PPP2R2B: variants seen among roughly 807,000 people sequenced by gnomAD.
PPP2R2B encodes the protein protein phosphatase 2 regulatory subunit Bbeta, also known as serine/threonine-protein phosphatase 2A 55 kDa regulatory subunit B beta isoform.
In PPP2R2B, 5 loss-of-function variants were observed where a neutral mutation model predicts 46.0. The observed-to-expected ratio is 0.11, with a 90% CI of 0.06 to 0.23. The LOEUF (loss-of-function observed/expected upper bound fraction) is 0.23, where lower values mean the gene tolerates loss of function less well. Among genes scored for constraint, PPP2R2B ranks in the 10% least tolerant of loss-of-function variants. PPP2R2B has a pLI of 1.00. For missense variants in PPP2R2B, 367 were observed against 575.0 expected, an observed-to-expected ratio of 0.64 and a Z score of 3.70; for synonymous variants, 215 against 206.7, an observed-to-expected ratio of 1.04 and a Z score of -0.34.
intron 1 of PPP2R2B, among the ~76,000 whole-genome samples, chr5:146,965,830 A>G (rs974837204): frequency 6.6e-6 from 1 of 152,210 alleles, no homozygotes; most frequent in Non-Finnish European, 1.5e-5. Flanking sequence ...GACATCCGAT[A>G]CCAGGTTTGA....
At chr5:147,024,579 A>G (rs116824713) in intron 1 of PPP2R2B, among the ~76,000 whole-genome samples, 2,744 of 152,278 alleles carry the variant, frequency 0.018, 89 homozygotes, top group African/African-American at 0.062. Context: ...CTACAAAGTG[A>G]GGCTCAGAGA....
intron 5 of PPP2R2B, among the ~76,000 whole-genome samples, chr5:146,689,106 T>C (rs1778678255): frequency 6.6e-6 from 1 of 152,172 alleles, no homozygotes; most frequent in Non-Finnish European, 1.5e-5. Context: ...GGGGTAATAA[T>C]AGCCATGATG....
At chr5:146,866,018 C>G (rs1378498603) in intron 2 of PPP2R2B, among the ~76,000 whole-genome samples, 1 of 152,176 alleles carries the variant, frequency 6.6e-6, no homozygotes, top group African/African-American at 2.4e-5. Context: ...AAATGATGGT[C>G]TACAGGCTAC....
chr5:146,732,078 C>A (rs1561864661), intron 2 of PPP2R2B, among the ~76,000 whole-genome samples: 2 of 152,116 alleles, frequency 1.3e-5, no homozygotes, highest in South Asian at 2.1e-4. Context: ...TGACTCAGGC[C>A]TCCTGGAAAA....
At chr5:146,802,203 CAG>C (rs1308076545) in intron 2 of PPP2R2B, among the ~76,000 whole-genome samples, 3 of 152,284 alleles carry the variant, frequency 2.0e-5, no homozygotes, top group African/African-American at 7.2e-5. Flanking sequence ...TTCTCGCATC[CAG>C]AGTCTTATTT....
chr5:146,898,218 A>G (rs1295915203), intron 1 of PPP2R2B, among the ~76,000 whole-genome samples: 1 of 152,126 alleles, frequency 6.6e-6, no homozygotes, highest in East Asian at 1.9e-4. Context: ...AGTAAAGATC[A>G]GATAGTTGTA....
intron 1 of PPP2R2B, among the ~76,000 whole-genome samples, chr5:146,940,538 C>A (rs1475254305): frequency 4.6e-5 from 7 of 151,674 alleles, no homozygotes; most frequent in Non-Finnish European, 1.5e-5. Flanking sequence ...AAGGCTACTG[C>A]CCAAGGAGAA....
intron 1 of PPP2R2B, among the ~76,000 whole-genome samples, chr5:147,043,963 CT>C (rs1756431667): frequency 6.6e-6 from 1 of 151,854 alleles, no homozygotes; most frequent in East Asian, 2.0e-4. Flanking sequence ...GGGCAACTTA[CT>C]TATCTTTCTG....
At chr5:146,691,288 T>C (rs1416410173) in intron 4 of PPP2R2B, 48 bp from the exon 5 acceptor site, 4 of 1,542,750 alleles carry the variant, frequency 2.6e-6, no homozygotes, top group African/African-American at 2.7e-5. Context: ...AAAAGCAAGC[T>C]CATAAGGGAG....
At chr5:146,973,614 G>T (rs1752762746) in intron 1 of PPP2R2B, among the ~76,000 whole-genome samples, 1 of 152,114 alleles carries the variant, frequency 6.6e-6, no homozygotes, top group African/African-American at 2.4e-5. Flanking sequence ...AATTCCTCAC[G>T]TATAACTCAA....
chr5:146,980,121 A>G (rs1303801168), intron 1 of PPP2R2B, among the ~76,000 whole-genome samples: 2 of 152,174 alleles, frequency 1.3e-5, no homozygotes, highest in Non-Finnish European at 2.9e-5. Context: ...CCAATGATAT[A>G]TTTTTATGAA....
At chr5:146,991,214 T>G (rs1753684783) in intron 1 of PPP2R2B, among the ~76,000 whole-genome samples, 2 of 152,166 alleles carry the variant, frequency 1.3e-5, no homozygotes, top group African/African-American at 4.8e-5. Context: ...AGGAATGCTA[T>G]TACTGGGTAC....
At chr5:147,057,374 A>G (rs970091468), upstream of PPP2R2B, among the ~76,000 whole-genome samples, 5 of 152,188 alleles carry the variant, frequency 3.3e-5, no homozygotes, top group Non-Finnish European at 7.3e-5. Context: ...GTAATTTCAA[A>G]CTAGTGACAG....
chr5:146,885,672 G>A (rs1762297352), intron 1 of PPP2R2B, among the ~76,000 whole-genome samples: 1 of 152,130 alleles, frequency 6.6e-6, no homozygotes, highest in African/African-American at 2.4e-5. Context: ...GAACACAAAT[G>A]TTCATGTAGT....
chr5:146,812,799 A>G (rs1175392788), intron 2 of PPP2R2B, among the ~76,000 whole-genome samples: 1,711 of 49,514 alleles, frequency 0.035, 323 homozygotes, highest in African/African-American at 0.048. Flanking sequence ...GTGTGTATAT[A>G]TATATATATA....
intron 1 of PPP2R2B, among the ~76,000 whole-genome samples, chr5:146,907,042 G>C (rs1325057128): frequency 6.6e-6 from 1 of 152,152 alleles, no homozygotes; most frequent in African/African-American, 2.4e-5. Context: ...AAGGCAAGAG[G>C]CTCCTTGGCT....
chr5:147,074,076 A>G (rs1009515316), intron 2 of PPP2R2B, among the ~76,000 whole-genome samples: 3 of 152,082 alleles, frequency 2.0e-5, no homozygotes, highest in Non-Finnish European at 4.4e-5. Flanking sequence ...CTTGTGAAAT[A>G]CACAGGTCCT....
intron 2 of PPP2R2B, among the ~76,000 whole-genome samples, chr5:146,838,054 T>C (rs971180644): frequency 6.6e-6 from 1 of 152,204 alleles, no homozygotes; most frequent in Non-Finnish European, 1.5e-5. Flanking sequence ...GAGCCCCCTA[T>C]GCCCCTGTCC....
In PPP2R2B at chr5:146,920,929, G is replaced by A. The variant is rs186435849; in HGVS notation, c.79+134736C>T. 1.2e-4 allele frequency among the ~76,000 whole-genome samples: 18 copies of A among 152,252 alleles called. No homozygotes were observed. In the East Asian group the frequency reaches 2.3e-3, roughly 20 times the overall value. On this transcript the variant is annotated intron_variant, in intron 1 of 8. Coordinates refer to the PPP2R2B transcript ENST00000336640. ...TCCTTTGACCACCAAAACCTCTTTG[G>A]AGAGAATTAAAATGGAAAAATGTGT...
Sources: allele counts gnomAD v4.1 joint callset (sites outside exome capture counted in the v4.1 genomes callset), GRCh38; gene constraint gnomAD v4.1.1; transcripts MANE v1.5; gene names NCBI Gene and HGNC (gene_info 2026-07-23, HGNC 2026-07-21).